MARCHF6: variants seen among roughly 807,000 people sequenced by gnomAD.
MARCHF6 encodes the protein E3 ubiquitin-protein ligase MARCHF6.
In MARCHF6, 31 loss-of-function variants were observed where a neutral mutation model predicts 133.7. That is an observed-to-expected ratio of 0.23 (90% CI 0.17 to 0.31). The LOEUF (loss-of-function observed/expected upper bound fraction) is 0.31. Among genes scored for constraint, MARCHF6 ranks in the 10% least tolerant of loss-of-function variants. The pLI is 1.00. For synonymous variants in MARCHF6, 395 were observed against 402.5 expected, an observed-to-expected ratio of 0.98 and a Z score of 0.22; for missense variants, 723 against 1,121.6, an observed-to-expected ratio of 0.64 and a Z score of 5.08.
intron 1 of MARCHF6, among the ~76,000 whole-genome samples, chr5:10,363,537 G>A (rs1033685253): frequency 1.3e-5 from 2 of 152,138 alleles, no homozygotes; most frequent in Non-Finnish European, 2.9e-5. Context: ...CATTTGTTAC[G>A]CTAGGAATGT....
At chr5:10,411,249 G>T in intron 18 of MARCHF6, 84 bp from the exon 19 acceptor site, 1 of 1,069,564 alleles carries the variant, frequency 9.3e-7, no homozygotes, top group South Asian at 1.4e-5. Flanking sequence ...ACCCTTAGTA[G>T]TAAATATGAA....
rs938109595 is a variant in MARCHF6, at chr5:10,357,149, G to A, written c.19+3232G>A. Among the ~76,000 whole-genome samples, 5 of 151,214 alleles carry A rather than the reference G, an allele frequency of 3.3e-5. No individual in the cohort carries two copies. In the South Asian group the frequency reaches 6.3e-4, roughly 19 times the overall value. Reference sequence around the variant, plus strand: ...TCCTCATTTTATGGGTTAGGAGTCCGATCCTGTAATGCACTGAGATTTCTC... The same window carrying A: ...TCCTCATTTTATGGGTTAGGAGTCCAATCCTGTAATGCACTGAGATTTCTC... On this transcript the variant is annotated intron_variant, in intron 1 of 25. Transcript: ENST00000274140.
chr5:10,436,709 T>G lies in MARCHF6; in HGVS notation c.*3025T>G, dbSNP rs936690979. On this transcript the variant is annotated 3_prime_UTR_variant, in exon 26 of 26. Transcript: ENST00000274140. ...TATGTTTGATTTTTAAACTATTTAG[T>G]ACTAATAGTTGAGATGAAAACTGAA... is the stretch of plus-strand genomic sequence containing the variant. 1 of 152,182 alleles carries G rather than the reference T, an allele frequency of 6.6e-6. No individual in the cohort carries two copies. The highest frequency in any genetic ancestry group is 1.5e-5 in the Non-Finnish European group (1 of 68,022). 9.4% of individuals were successfully genotyped at this position (152,182 alleles called of 1,614,324 possible).
chr5:10,411,617 C>T lies in MARCHF6; in HGVS notation c.1896+80C>T, dbSNP rs534640582. 3.5e-6 allele frequency: 4 copies of T among 1,128,626 alleles called. No homozygotes were observed. The Admixed American group carries it at 7.8e-5, about 22-fold the overall frequency. 69.9% of individuals were successfully genotyped at this position (1,128,626 alleles called of 1,614,324 possible). ...TCCAAATTGCTGTTGAGAATTGGTG[C>T]TATTAGTATGCAGTCCTCTGTGTAG... On this transcript the variant is annotated intron_variant, in intron 19 of 25. Coordinates refer to ENST00000274140, the MANE Select transcript of MARCHF6 (RefSeq NM_005885.4).
chr5:10,376,095 C>A (rs999216994), intron 1 of MARCHF6, among the ~76,000 whole-genome samples: 19 of 152,288 alleles, frequency 1.2e-4, no homozygotes, highest in Non-Finnish European at 2.5e-4. Context: ...AGCAGGCTGC[C>A]GGAGCCAGCA....
Position 10,375,002 on chromosome 5 carries a change from C to T in MARCHF6, c.20-2796C>T, listed in dbSNP as rs537737768. Among the ~76,000 whole-genome samples the T allele has an allele frequency of 6.6e-5, 10 of 152,322 alleles. No homozygotes were observed. In the South Asian group the frequency reaches 1.2e-3, roughly 19 times the overall value. ...TGAGAGGTGACAGCATGCTGGCAGT[C>T]CTCACAGCCCTCGCTTGCTCTCGGC... On this transcript the variant is annotated intron_variant, in intron 1 of 25. Transcript: ENST00000274140.
chr5:10,371,026 A>AG (rs1440399543), intron 1 of MARCHF6, among the ~76,000 whole-genome samples: 6 of 152,210 alleles, frequency 3.9e-5, no homozygotes, highest in Non-Finnish European at 8.8e-5. Flanking sequence ...TAAGGTCAAA[A>AG]GGAGAGTACT....
At chr5:10,430,906 T>C (rs1740332175) in intron 25 of MARCHF6, among the ~76,000 whole-genome samples, 1 of 152,210 alleles carries the variant, frequency 6.6e-6, no homozygotes, top group African/African-American at 2.4e-5. Flanking sequence ...CCTGGGATAA[T>C]ATTTGACCTT....
At chr5:10,426,352 T>G (rs760076770) in intron 23 of MARCHF6, 38 bp from the exon 24 acceptor site, 18 of 1,605,880 alleles carry the variant, frequency 1.1e-5, no homozygotes, top group Admixed American at 1.0e-4. Flanking sequence ...GGAATTTGTC[T>G]TGTATCTTTG....
intron 10 of MARCHF6, among the ~76,000 whole-genome samples, chr5:10,400,154 C>G (rs1424266908): frequency 6.6e-6 from 1 of 152,116 alleles, no homozygotes; most frequent in Non-Finnish European, 1.5e-5. Context: ...TTGTTTTTCC[C>G]TTTACCATTA....
chr5:10,370,168 A>T (rs1412292029), intron 1 of MARCHF6, among the ~76,000 whole-genome samples: 2 of 130,892 alleles, frequency 1.5e-5, no homozygotes, highest in Non-Finnish European at 1.5e-5. Context: ...TGGCGCCGTC[A>T]TAGCTCGCTA....
intron 22 of MARCHF6, among the ~76,000 whole-genome samples, chr5:10,422,355 TGAA>T (rs1739870328): frequency 1.3e-5 from 2 of 152,126 alleles, no homozygotes; most frequent in South Asian, 2.1e-4. Flanking sequence ...TTAACTGAAT[TGAA>T]GAAAGATCTG....
At chr5:10,429,683 G>A (rs1740272641) in intron 24 of MARCHF6, among the ~76,000 whole-genome samples, 1 of 152,134 alleles carries the variant, frequency 6.6e-6, no homozygotes, top group South Asian at 2.1e-4. Context: ...TTACAGGCGC[G>A]AGCTACTATG....
chr5:10,388,427 A>C (rs1737618525), intron 5 of MARCHF6, among the ~76,000 whole-genome samples: 1 of 152,112 alleles, frequency 6.6e-6, no homozygotes. Flanking sequence ...GTAGCTCAGT[A>C]ATTGAGGTCA....
chr5:10,391,034 A>C (rs1463941924), intron 6 of MARCHF6, among the ~76,000 whole-genome samples: 3 of 152,226 alleles, frequency 2.0e-5, no homozygotes, highest in African/African-American at 7.2e-5. Flanking sequence ...CTTATATACT[A>C]AAATTGATCC....
intron 17 of MARCHF6, among the ~76,000 whole-genome samples, chr5:10,407,728 C>T (rs1053180399): frequency 3.3e-5 from 5 of 152,098 alleles, no homozygotes; most frequent in Non-Finnish European, 4.4e-5. Flanking sequence ...CCGAGGCAGG[C>T]GGATCACCTG....
At position 10,411,347 on chromosome 5, in the gene MARCHF6, A is replaced by G; in HGVS notation, c.1706A>G (p.Tyr569Cys). ...TAGYLLDLHS[Y>C]LLGDQEENEN... is the part of the protein sequence containing the mutation. ...TTTTTGCACAGGGATCTTCATTCTT[A>G]TTTATTGGGAGACCAGGAAGAAAAT... The change falls in exon 19 of 26, where the codon TAT (tyrosine) becomes TGT (cysteine). Residue 569 changes from tyrosine to cysteine, a missense_variant. Around this residue, in one of 4 missense-constraint regions of MARCHF6, gnomAD observed 492 missense variants for 699.5 expected, o/e 0.70. Transcript: ENST00000274140. The G allele has an allele frequency of 6.2e-7, 1 of 1,614,148 alleles. No individual in the cohort carries two copies. Among genetic ancestry groups the G allele is most frequent in the Non-Finnish European group, 8.5e-7 (1 of 1,180,004 alleles).
rs200092363 is a variant in MARCHF6, at chr5:10,378,709, A to C, written c.117-50A>C. The C allele has an allele frequency of 2.0e-3, 2,278 of 1,123,110 alleles. 12 individuals are homozygous for C. Among genetic ancestry groups the C allele is most frequent in the South Asian group, 5.6e-3 (422 of 74,766 alleles). 69.6% of individuals were successfully genotyped at this position (1,123,110 alleles called of 1,614,324 possible). A position where few individuals can be genotyped will look rare whatever the true frequency, so the allele number is the denominator to read the frequency against. ...AAACAATGTTTTCGACAAAACTGTA[A>C]TGTTTCTTTGCTGTAAACACTGTAC... On this transcript the variant is annotated intron_variant, in intron 2 of 25. Transcript: ENST00000274140.
chr5:10,394,648 G>A lies in MARCHF6; in HGVS notation c.829-105G>A, dbSNP rs181462655. On this transcript the variant is annotated intron_variant, in intron 8 of 25. Coordinates refer to ENST00000274140, the MANE Select transcript of MARCHF6 (RefSeq NM_005885.4). Reference sequence around the variant, plus strand: ...ATTGGAAAGTATAGGAAGTGGGTGAGGACTGTGTTTAAAGATATTGAAAGG... The same window carrying A: ...ATTGGAAAGTATAGGAAGTGGGTGAAGACTGTGTTTAAAGATATTGAAAGG... 2.6e-5 allele frequency: 21 copies of A among 811,826 alleles called. No individual in the cohort carries two copies. The East Asian group carries it at 5.4e-4, about 21-fold the overall frequency. The allele number at this position is 811,826 out of a possible 1,614,324, so 50.3% of individuals were successfully genotyped here. A position where few individuals can be genotyped will look rare whatever the true frequency, so the allele number is the denominator to read the frequency against.
Sources: allele counts gnomAD v4.1 joint callset (sites outside exome capture counted in the v4.1 genomes callset), GRCh38; gene constraint gnomAD v4.1.1; regional missense constraint gnomAD v4.1.1; transcripts MANE v1.5; gene names NCBI Gene and HGNC (gene_info 2026-07-23, HGNC 2026-07-21).